EFCAB7: variants seen among roughly 807,000 people sequenced by gnomAD.
EFCAB7 encodes the protein EF-hand calcium-binding domain-containing protein 7.
Under a neutral mutation model 77.1 loss-of-function variants are expected in EFCAB7, and 66 were observed. That is an observed-to-expected ratio of 0.86 (90% confidence interval 0.70 to 1.05). The LOEUF is 1.05. Among genes scored for constraint, EFCAB7 ranks in the 50% least tolerant of loss-of-function variants. The pLI, the probability that EFCAB7 is intolerant of heterozygous loss-of-function variation, is 0.00. For synonymous variants in EFCAB7, 225 were observed against 243.3 expected, an observed-to-expected ratio of 0.92 and a Z score of 0.70; for missense variants, 638 against 730.5, an observed-to-expected ratio of 0.87 and a Z score of 1.46.
intron 8 of EFCAB7, among the ~76,000 whole-genome samples, chr1:63,553,525 A>C (rs539286125): frequency 6.6e-6 from 1 of 152,102 alleles, no homozygotes; most frequent in Non-Finnish European, 1.5e-5. Flanking sequence ...TTTTTCGTAA[A>C]GACAGGGTTT....
At chr1:63,545,066 T>C (rs1451219521) in intron 6 of EFCAB7, among the ~76,000 whole-genome samples, 1 of 150,782 alleles carries the variant, frequency 6.6e-6, no homozygotes, top group Admixed American at 6.6e-5. Flanking sequence ...TTACATGCAC[T>C]CATCATCATG....
intron 4 of EFCAB7, 61 bp downstream of exon 4, chr1:63,532,817 C>A: frequency 7.4e-7 from 1 of 1,354,478 alleles, no homozygotes; most frequent in Non-Finnish European, 1.0e-6. Flanking sequence ...TTTTATTTTT[C>A]CCCAGCTTTA....
chr1:63,549,180 TTTGA>T, intron 7 of EFCAB7: 1 of 293,824 alleles, frequency 3.4e-6, no homozygotes. Context: ...GCCTCACTTC[TTTGA>T]TTGAATACTC....
At chr1:63,565,210 T>G (rs1165383948) in intron 11 of EFCAB7, among the ~76,000 whole-genome samples, 2 of 151,936 alleles carry the variant, frequency 1.3e-5, no homozygotes, top group Non-Finnish European at 2.9e-5. Context: ...ATACAAAAAA[T>G]TAGCTGGGCA....
At chr1:63,585,288 T>C in the EFCAB7 span, among the ~76,000 whole-genome samples, 2 of 152,110 alleles carry the variant, frequency 1.3e-5, no homozygotes, top group African/African-American at 4.8e-5. Context: ...TTTATGTGCA[T>C]AGAATTTTTT....
At chr1:63,567,166 A>G (rs908045391) in intron 11 of EFCAB7, among the ~76,000 whole-genome samples, 6 of 152,154 alleles carry the variant, frequency 3.9e-5, no homozygotes, top group African/African-American at 1.4e-4. Flanking sequence ...AAATAAAATT[A>G]TATCGGCCAG....
intron 6 of EFCAB7, among the ~76,000 whole-genome samples, chr1:63,536,319 T>G (rs1432994030): frequency 6.6e-6 from 1 of 152,184 alleles, no homozygotes; most frequent in East Asian, 1.9e-4. Flanking sequence ...TTTTTTTAAG[T>G]AAGTGACTCT....
At chr1:63,539,730 T>C (rs973142001) in intron 6 of EFCAB7, among the ~76,000 whole-genome samples, 1 of 152,202 alleles carries the variant, frequency 6.6e-6, no homozygotes, top group Admixed American at 6.5e-5. Context: ...GTATTATCCT[T>C]TACCATTCCA....
chr1:63,525,763 A>G lies in EFCAB7; in HGVS notation c.187+4A>G. 1.3e-6 allele frequency: 2 copies of G among 1,515,560 alleles called. No homozygotes were observed. The highest frequency in any genetic ancestry group is 2.6e-5 in the Admixed American group (1 of 38,782). The allele number at this position is 1,515,560 out of a possible 1,614,324, so 93.9% of individuals were successfully genotyped here. A position where few individuals can be genotyped will look rare whatever the true frequency, so the allele number is the denominator to read the frequency against. ...TCTAAAGATCAACTTTACTTAGGTA[A>G]ATTTTTAAAATTTTTAAATCTTTCA... On this transcript the variant is annotated splice_donor_region_variant and intron_variant, in intron 2 of 13. Coordinates refer to ENST00000371088, the MANE Select transcript of EFCAB7 (RefSeq NM_032437.4).
intron 6 of EFCAB7, among the ~76,000 whole-genome samples, chr1:63,540,856 C>A (rs35241608): frequency 0.21 from 27,350 of 131,802 alleles, 2,571 homozygotes; most frequent in Middle Eastern, 0.29. Flanking sequence ...TCTTAAAATG[C>A]AGTTTAAGAA....
At chr1:63,566,918 A>T (rs886648088) in intron 11 of EFCAB7, among the ~76,000 whole-genome samples, 1 of 150,370 alleles carries the variant, frequency 6.7e-6, no homozygotes, top group Non-Finnish European at 1.5e-5. Flanking sequence ...AATATTTTTT[A>T]AAACACAAAT....
At chr1:63,583,332 A>G in the EFCAB7 span, among the ~76,000 whole-genome samples, 1 of 152,166 alleles carries the variant, frequency 6.6e-6, no homozygotes, top group African/African-American at 2.4e-5. Context: ...AAAGATAAAC[A>G]CCAGCTGCCA....
intron 11 of EFCAB7, among the ~76,000 whole-genome samples, chr1:63,567,174 C>T (rs540590157): frequency 6.6e-6 from 1 of 152,146 alleles, no homozygotes; most frequent in South Asian, 2.1e-4. Flanking sequence ...TTATATCGGC[C>T]AGGTGCAGTG....
chr1:63,567,703 A>T (rs1647186027), intron 11 of EFCAB7, among the ~76,000 whole-genome samples: 1 of 152,192 alleles, frequency 6.6e-6, no homozygotes, highest in South Asian at 2.1e-4. Context: ...AGATCAGGAT[A>T]GCTGTTGCAT....
At chr1:63,534,591 C>T (rs1349596732) in intron 6 of EFCAB7, among the ~76,000 whole-genome samples, 1 of 152,084 alleles carries the variant, frequency 6.6e-6, no homozygotes, top group Non-Finnish European at 1.5e-5. Flanking sequence ...TTTGCTAAGT[C>T]AATATTTGTA....
chr1:63,582,172 T>C, the EFCAB7 span, among the ~76,000 whole-genome samples: 7 of 152,222 alleles, frequency 4.6e-5, no homozygotes, highest in East Asian at 1.3e-3. Flanking sequence ...TCATAGTTCT[T>C]ATGTATTTTT....
At chr1:63,578,029 A>G in the EFCAB7 span, among the ~76,000 whole-genome samples, 3 of 152,218 alleles carry the variant, frequency 2.0e-5, no homozygotes, top group Non-Finnish European at 4.4e-5. Flanking sequence ...AGTCTTTAAA[A>G]TACTAAGTAG....
Position 63,532,038 on chromosome 1 carries a change from T to C in EFCAB7, c.399+7T>C. 1 of 1,598,278 alleles carries C rather than the reference T, an allele frequency of 6.3e-7. No homozygotes were observed. Among genetic ancestry groups the C allele is most frequent in the Middle Eastern group, 1.7e-4 (1 of 5,730 alleles). ...TTATAAATTTCTAACAAAGGTAAGA[T>C]CTGTAAAACTGTTTTGTAATGTGCA... On this transcript the variant is annotated splice_region_variant and intron_variant, in intron 3 of 13. Coordinates refer to ENST00000371088, the MANE Select transcript of EFCAB7 (RefSeq NM_032437.4).
intron 10 of EFCAB7, among the ~76,000 whole-genome samples, chr1:63,557,553 A>C (rs939507116): frequency 2.0e-5 from 3 of 152,222 alleles, no homozygotes; most frequent in African/African-American, 7.2e-5. Flanking sequence ...CTGGGCCTGA[A>C]GTGGTCAAGA....
Sources: allele counts gnomAD v4.1 joint callset (sites outside exome capture counted in the v4.1 genomes callset), GRCh38; gene constraint gnomAD v4.1.1; transcripts MANE v1.5; gene names NCBI Gene and HGNC (gene_info 2026-07-23, HGNC 2026-07-21).